The following SURF1 variants were observed in gnomAD, a reference collection of about 807,000 sequenced individuals.
The protein encoded by SURF1 is surfeit locus protein 1.
In SURF1, 45 loss-of-function variants were observed where a neutral mutation model predicts 34.1. The ratio of observed to expected loss-of-function variants is 1.32; its 90% CI spans 1.04 to 1.69. The LOEUF is 1.69. Among genes scored for constraint, SURF1 ranks in the 40% most tolerant of loss-of-function variants. The pLI, the probability that SURF1 is intolerant of heterozygous loss-of-function variation, is 0.00. For missense variants in SURF1, 456 were observed against 384.6 expected (o/e 1.19, Z -1.55); for synonymous variants, 188 against 147.5 (o/e 1.27, Z -1.99).
intron 1 of SURF1, 34 bp downstream of exon 1, chr9:133,356,366 G>GCCCCGCGCCCCGCACCCCGCA (rs1836585928): frequency 1.1e-5 from 15 of 1,343,380 alleles, no homozygotes; most frequent in African/African-American, 3.2e-5. Context: ...CCCTCCCCGC[G>GCCCCGCGCCCCGCACCCCGCA]CCCCGCACCC....
chr9:133,352,256 T>A (rs1836440192), intron 7 of SURF1, 114 bp from the exon 8 acceptor site: 2 of 1,369,958 alleles, frequency 1.5e-6, no homozygotes, highest in African/African-American at 2.9e-5. Context: ...GGCCTTTACG[T>A]TGGGTGACCA....
chr9:133,356,476 T>A lies in SURF1; in HGVS notation c.-23A>T. 7.0e-7 allele frequency: 1 copy of A among 1,427,422 alleles called. No individual in the cohort carries two copies. The highest frequency in any genetic ancestry group is 9.1e-7 in the Non-Finnish European group (1 of 1,093,852). 88.4% of individuals were successfully genotyped at this position (1,427,422 alleles called of 1,614,324 possible). ...CATCGCACCCGGCCCCGCGGGCGCT[T>A]CCGGGACGCAGGAAGCATCTGCATC... On this transcript the variant is annotated 5_prime_UTR_variant, in exon 1 of 9. Transcript: ENST00000371974.
rs2130009323 is a variant in SURF1 at position 133,352,703 on chromosome 9, C to T, written c.579G>A (p.Gln193=). ...AGTCCATGTCCCTTACCTGGCCTTT[C>T]TGCCGGGTTTCAGGATTCACTTTCT... ...PRKKVNPETR[Q]KGQIEGEVDL... Residue 193 remains glutamine (Q), a synonymous_variant, in exon 6 of 9, where the codon CAG becomes CAA. Coordinates refer to ENST00000371974, the MANE Select transcript of SURF1 (RefSeq NM_003172.4). 6.2e-7 allele frequency: 1 copy of T among 1,613,582 alleles called. No individual in the cohort carries two copies. Among genetic ancestry groups the T allele is most frequent in the East Asian group, 2.2e-5 (1 of 44,874 alleles).
intron 5 of SURF1, 65 bp from the exon 6 acceptor site, chr9:133,352,831 C>A: frequency 6.6e-7 from 1 of 1,511,672 alleles, no homozygotes; most frequent in South Asian, 1.2e-5. Context: ...CACTCATGGT[C>A]ACTCAGGCAC....
At chr9:133,355,734 G>A (rs1043552190) in intron 2 of SURF1, among the ~76,000 whole-genome samples, 5 of 152,086 alleles carry the variant, frequency 3.3e-5, no homozygotes, top group African/African-American at 1.2e-4. Flanking sequence ...AAAGAGGGAA[G>A]AATGTACACA....
intron 2 of SURF1, chr9:133,356,028 A>G: frequency 1.7e-6 from 1 of 592,144 alleles, no homozygotes; most frequent in Non-Finnish European, 3.0e-6. Context: ...CTTCTCTGTA[A>G]CAGGGGAACG....
intron 7 of SURF1, 99 bp downstream of exon 7, chr9:133,352,345 TGA>T: frequency 6.3e-7 from 1 of 1,584,934 alleles, no homozygotes; most frequent in Non-Finnish European, 8.6e-7. Context: ...TATACACATG[TGA>T]GAACATAAGC....
intron 5 of SURF1, 85 bp from the exon 6 acceptor site, chr9:133,352,851 C>A: frequency 2.9e-6 from 4 of 1,401,092 alleles, no homozygotes; most frequent in Non-Finnish European, 3.9e-6. Flanking sequence ...CCCATAGGAA[C>A]AACTAGAGCA....
intron 5 of SURF1, 134 bp downstream of exon 5, chr9:133,353,611 CAAGG>C: frequency 1.0e-6 from 1 of 967,404 alleles, no homozygotes; most frequent in South Asian, 1.3e-5. Flanking sequence ...TTAAACTATG[CAAGG>C]AATTGAATCT....
At position 133,352,058 on chromosome 9, in the gene SURF1, C is replaced by T. The variant is rs2130004006; in HGVS notation, c.833+3G>A. Reference sequence around the variant, plus strand: ...GGAAGCCAGAGGGCCGCTGGGGACTCACCAGGTCACGATGTACTGCAGATG... The same window carrying T: ...GGAAGCCAGAGGGCCGCTGGGGACTTACCAGGTCACGATGTACTGCAGATG... On this transcript the variant is annotated splice_donor_region_variant and intron_variant, in intron 8 of 8. Transcript: ENST00000371974. 5.6e-6 allele frequency: 9 copies of T among 1,611,956 alleles called. No individual in the cohort carries two copies. The highest frequency in any genetic ancestry group is 1.7e-4 in the Middle Eastern group (1 of 6,058).
chr9:133,353,299 C>G (rs1836484061), intron 5 of SURF1, among the ~76,000 whole-genome samples: 1 of 152,186 alleles, frequency 6.6e-6, no homozygotes, highest in Non-Finnish European at 1.5e-5. Context: ...CACAGGTGCT[C>G]CTGTACCTGT....
intron 2 of SURF1, 131 bp downstream of exon 2, chr9:133,356,138 A>T: frequency 1.7e-6 from 2 of 1,205,158 alleles, no homozygotes; most frequent in Non-Finnish European, 2.4e-6. Context: ...GGAACTTGTC[A>T]CTCCCAGGGA....
Position 133,353,930 on chromosome 9 carries a change from G to A in SURF1, c.334C>T (p.Leu112=). The change falls in exon 5 of 9, where the codon CTG becomes TTG. Residue 112 remains leucine (L), a synonymous_variant. Transcript: ENST00000371974. Reference sequence around the variant, plus strand: ...ACTGGCCTATACTCCAGATTTTTCAGTTCCATTGGGCTGCATGGAGATAAG... The same window carrying A: ...ACTGGCCTATACTCCAGATTTTTCAATTCCATTGGGCTGCATGGAGATAAG... ...PVPLPADPME[L]KNLEYRPVKV... The A allele has an allele frequency of 1.2e-6, 2 of 1,613,874 alleles. No homozygotes were observed. The highest frequency in any genetic ancestry group is 1.7e-6 in the Non-Finnish European group (2 of 1,180,040).
At position 133,356,444 on chromosome 9, in the gene SURF1, C is replaced by G; in HGVS notation, c.10G>C (p.Val4Leu). MAA[V>L]AALQLGLRAA... ...CGCAGCCCCAGCTGCAACGCAGCCACCGCCGCCATCGCACCCGGCCCCGCG... is the reference window on the plus strand; with the variant it reads ...CGCAGCCCCAGCTGCAACGCAGCCAGCGCCGCCATCGCACCCGGCCCCGCG... Residue 4 changes from valine (V) to leucine (L), a missense_variant, in exon 1 of 9, where the codon GTG (valine) becomes CTG (leucine). Coordinates refer to ENST00000371974, the MANE Select transcript of SURF1 (RefSeq NM_003172.4). The G allele has an allele frequency of 7.0e-7, 1 of 1,418,962 alleles. No individual in the cohort carries two copies. The highest frequency in any genetic ancestry group is 9.2e-7 in the Non-Finnish European group (1 of 1,088,362). 87.9% of individuals were successfully genotyped at this position (1,418,962 alleles called of 1,614,324 possible). A position where few individuals can be genotyped will look rare whatever the true frequency, so the allele number is the denominator to read the frequency against.
In SURF1 at chr9:133,356,097, G is replaced by A. The variant is rs1227057092; in HGVS notation, c.106+172C>T. ...AGCGCTCGCTACATGCCCGGCACAC[G>A]ACCACAATTCCACTGAAAGCATTTT... On this transcript the variant is annotated intron_variant, in intron 2 of 8. Transcript: ENST00000371974. The A allele has an allele frequency of 7.8e-6, 7 of 902,712 alleles. No homozygotes were observed. In the Admixed American group the frequency reaches 1.5e-4, roughly 19 times the overall value. 55.9% of individuals were successfully genotyped at this position (902,712 alleles called of 1,614,324 possible).
chr9:133,352,081 A>ATGCTCC lies in SURF1; in HGVS notation c.812_813insGGAGCA (p.Glu270_His271insGlnGlu), dbSNP rs2130004339. ...CTCACCAGGTCACGATGTACTGCAG[A>ATGCTCC]TGCTCGTTCCTCAGAGTAACTCTGG... On this transcript the variant is annotated inframe_insertion, in exon 8 of 9. Coordinates refer to ENST00000371974, the MANE Select transcript of SURF1 (RefSeq NM_003172.4). The ATGCTCC allele has an allele frequency of 4.3e-6, 7 of 1,611,440 alleles. No homozygotes were observed. The highest frequency in any genetic ancestry group is 5.9e-6 in the Non-Finnish European group (7 of 1,178,796).
rs2130015447 is a variant in SURF1, at chr9:133,353,916, C to G, written c.348G>C (p.Glu116Asp). Residue 116 changes from glutamate (E) to aspartate (D), a missense_variant, in exon 5 of 9, where the codon GAG becomes GAC. Physicochemically the swap from Glu to Asp is conservative, Grantham distance 45 (BLOSUM62 2). Transcript: ENST00000371974. ...PADPMELKNLEYRPVKVRGCF... is the reference protein window; with the variant it reads ...PADPMELKNLDYRPVKVRGCF... ...ACCCCCTGACCTTCACTGGCCTATA[C>G]TCCAGATTTTTCAGTTCCATTGGGC... is the stretch of plus-strand genomic sequence containing the variant. 3.7e-6 allele frequency: 6 copies of G among 1,613,890 alleles called. No homozygotes were observed. Among genetic ancestry groups the G allele is most frequent in the Non-Finnish European group, 5.1e-6 (6 of 1,180,030 alleles).
intron 4 of SURF1, 168 bp from the exon 5 acceptor site, chr9:133,354,108 GC>G: frequency 2.7e-6 from 2 of 746,518 alleles, no homozygotes; most frequent in Non-Finnish European, 4.7e-6. Context: ...GATCTGCACT[GC>G]CAGAGTCCAA....
In SURF1 at chr9:133,352,779, A is replaced by C; in HGVS notation, c.516-13T>G. 1.2e-6 allele frequency: 2 copies of C among 1,607,356 alleles called. No individual in the cohort carries two copies. The highest frequency in any genetic ancestry group is 1.7e-6 in the Non-Finnish European group (2 of 1,177,226). On this transcript the variant is annotated splice_polypyrimidine_tract_variant and intron_variant, in intron 5 of 8. Transcript: ENST00000371974. ...CAGGATGGTGACTCTAGGGTAATGA[A>C]AGTGCTACTTCAGGTGGGGAGGGTT...
Sources: allele counts gnomAD v4.1 joint callset (sites outside exome capture counted in the v4.1 genomes callset), GRCh38; gene constraint gnomAD v4.1.1; transcripts MANE v1.5; gene names NCBI Gene and HGNC (gene_info 2026-07-23, HGNC 2026-07-21).